BCDIN3D: variants seen among roughly 807,000 people sequenced by gnomAD.
The protein encoded by BCDIN3D is BCDIN3 domain containing RNA methyltransferase.
In BCDIN3D, 15 loss-of-function variants were observed where a neutral mutation model predicts 21.2. The ratio of observed to expected loss-of-function variants is 0.71; its 90% CI spans 0.47 to 1.09. The LOEUF (loss-of-function observed/expected upper bound fraction) is 1.09. Among genes scored for constraint, BCDIN3D ranks in the 50% least tolerant of loss-of-function variants. The probability of loss-of-function intolerance (pLI) is 0.00; values close to 1 mark genes in which losing one functional copy is unlikely to be tolerated. For synonymous variants in BCDIN3D, 127 were observed against 141.9 expected (o/e 0.90, Z 0.75); for missense variants, 331 against 366.2 (o/e 0.90, Z 0.79).
In BCDIN3D at chr12:49,837,449, G is replaced by A. The variant is rs1333204084; in HGVS notation, c.*922C>T. 6.6e-6 allele frequency: 1 copy of A among 151,452 alleles called. No homozygotes were observed. The highest frequency in any genetic ancestry group is 1.9e-4 in the East Asian group (1 of 5,186). The allele number at this position is 151,452 out of a possible 1,614,324, so 9.4% of individuals were successfully genotyped here. On this transcript the variant is annotated 3_prime_UTR_variant, in exon 2 of 2. Transcript: ENST00000333924. ...ACTACAGGCGCCCGCCACTACGCCC[G>A]GCTAATTTTTTGTATTTTTAGTAGA...
rs1946518941 is a variant in BCDIN3D at position 49,837,661 on chromosome 12, C to T, written c.*710G>A. On this transcript the variant is annotated 3_prime_UTR_variant, in exon 2 of 2. Transcript: ENST00000333924. Reference sequence around the variant, plus strand: ...ATACATAGAGAAGGACTGAATGGAACCGTAAGCACTCAAAGTATGGTCTAC... The same window carrying T: ...ATACATAGAGAAGGACTGAATGGAATCGTAAGCACTCAAAGTATGGTCTAC... 1 of 151,986 alleles carries T rather than the reference C, an allele frequency of 6.6e-6. No individual in the cohort carries two copies. Among genetic ancestry groups the T allele is most frequent in the Non-Finnish European group, 1.5e-5 (1 of 68,028 alleles). 9.4% of individuals were successfully genotyped at this position (151,986 alleles called of 1,614,324 possible).
In BCDIN3D at chr12:49,837,332, G is replaced by T. The variant is rs1174798464; in HGVS notation, c.*1039C>A. ...AGACGGAGTCTCGCTCTGTCGCCCA[G>T]GCTGGAGTGCAGTGGCGGGATCTCG... is the stretch of plus-strand genomic sequence containing the variant. On this transcript the variant is annotated 3_prime_UTR_variant, in exon 2 of 2. Transcript: ENST00000333924. 1 of 132,310 alleles carries T rather than the reference G, an allele frequency of 7.6e-6. No individual in the cohort carries two copies. Among genetic ancestry groups the T allele is most frequent in the Non-Finnish European group, 1.6e-5 (1 of 64,434 alleles). The allele number at this position is 132,310 out of a possible 1,614,324, so 8.2% of individuals were successfully genotyped here.
intron 1 of BCDIN3D, among the ~76,000 whole-genome samples, chr12:49,842,038 T>C (rs996828485): frequency 1.6e-4 from 24 of 152,240 alleles, no homozygotes; most frequent in Middle Eastern, 3.2e-3. Context: ...GGCAAAATGC[T>C]TTATTTGCTT....
chr12:49,839,769 C>A (rs1946539769), intron 1 of BCDIN3D: 1 of 152,070 alleles, frequency 6.6e-6, no homozygotes, highest in South Asian at 2.1e-4. Context: ...ATCTCAGCAA[C>A]CTCTGCCTCC....
intron 1 of BCDIN3D, chr12:49,840,060 T>C (rs1299067112): frequency 6.6e-6 from 1 of 152,212 alleles, no homozygotes; most frequent in Admixed American, 6.5e-5. Flanking sequence ...CATTTTTCTG[T>C]TTACTACTTT....
Position 49,838,974 on chromosome 12 carries a change from A to C in BCDIN3D, c.276T>G (p.Pro92=). The change falls in exon 2 of 2, where the codon CCT becomes CCG. Residue 92 remains proline (P), a synonymous_variant. Transcript: ENST00000333924. ...AGGCATCTGAGCAGGTTTCCCCGTC[A>C]GGTAGGGAGAGGAAGTGTTTGTATA... ...VALYKHFLSL[P]DGETCSDASR... is the part of the protein sequence containing the mutation. 6.2e-7 allele frequency: 1 copy of C among 1,614,050 alleles called. No homozygotes were observed.
chr12:49,837,869 G>C lies in BCDIN3D; in HGVS notation c.*502C>G, dbSNP rs1229068869. Reference sequence around the variant, plus strand: ...AACTGTACTTAAAAACGGTTAAAATGGTAAATTTTATGTATATATTACAAT... The same window carrying C: ...AACTGTACTTAAAAACGGTTAAAATCGTAAATTTTATGTATATATTACAAT... On this transcript the variant is annotated 3_prime_UTR_variant, in exon 2 of 2. Transcript: ENST00000333924. 1 of 152,068 alleles carries C rather than the reference G, an allele frequency of 6.6e-6. No homozygotes were observed. Among genetic ancestry groups the C allele is most frequent in the African/African-American group, 2.4e-5 (1 of 41,356 alleles). The allele number at this position is 152,068 out of a possible 1,614,324, so 9.4% of individuals were successfully genotyped here.
In BCDIN3D at chr12:49,838,576, G is replaced by A. The variant is rs745718371; in HGVS notation, c.674C>T (p.Ala225Val). Residue 225 changes from alanine to valine, a missense_variant, in exon 2 of 2, where the codon GCC (alanine) becomes GTC (valine). By Grantham distance (64) the Ala-to-Val change is moderately conservative. Transcript: ENST00000333924. ...CTGATTGGGCATGTCACCTCGGATG[G>A]CAAGGGAGTGGAAGTGGTCAAAATC... ...LHDFDHFHSL[A>V]IRGDMPNQIV... is the part of the protein sequence containing the mutation. The A allele has an allele frequency of 2.7e-5, 43 of 1,614,038 alleles. No homozygotes were observed. Among genetic ancestry groups the A allele is most frequent in the Non-Finnish European group, 3.1e-5 (36 of 1,180,024 alleles).
In BCDIN3D at chr12:49,837,285, G is replaced by GGTT. The variant is rs1946513254; in HGVS notation, c.*1085_*1086insAAC. 1 of 91,914 alleles carries GGTT rather than the reference G, an allele frequency of 1.1e-5. No homozygotes were observed. Among genetic ancestry groups the GGTT allele is most frequent in the African/African-American group, 4.3e-5 (1 of 23,368 alleles). The allele number at this position is 91,914 out of a possible 1,614,324, so 5.7% of individuals were successfully genotyped here. A position where few individuals can be genotyped will look rare whatever the true frequency, so the allele number is the denominator to read the frequency against. Reference sequence around the variant, plus strand: ...CATGTAGGTAGTTGTTTTTTTTTTTGTTTTTTTTTTTTTTTTTTTTGAGAC... The same window carrying GGTT: ...CATGTAGGTAGTTGTTTTTTTTTTTGGTTTTTTTTTTTTTTTTTTTTTTGAGAC... On this transcript the variant is annotated 3_prime_UTR_variant, in exon 2 of 2. Transcript: ENST00000333924.
At position 49,837,285 on chromosome 12, in the gene BCDIN3D, G is replaced by GTTTTTTTTTTTTTTT. The variant is rs1185335433; in HGVS notation, c.*1071_*1085dup. Reference sequence around the variant, plus strand: ...CATGTAGGTAGTTGTTTTTTTTTTTGTTTTTTTTTTTTTTTTTTTTGAGAC... The same window carrying GTTTTTTTTTTTTTTT: ...CATGTAGGTAGTTGTTTTTTTTTTTGTTTTTTTTTTTTTTTTTTTTTTTTTTTTTTTTTTTGAGAC... On this transcript the variant is annotated 3_prime_UTR_variant, in exon 2 of 2. Coordinates refer to ENST00000333924, the MANE Select transcript of BCDIN3D (RefSeq NM_181708.3). 1.6e-4 allele frequency: 15 copies of GTTTTTTTTTTTTTTT among 91,900 alleles called. No homozygotes were observed. Among genetic ancestry groups the GTTTTTTTTTTTTTTT allele is most frequent in the Non-Finnish European group, 2.5e-4 (12 of 47,688 alleles). 5.7% of individuals were successfully genotyped at this position (91,900 alleles called of 1,614,324 possible).
In BCDIN3D at chr12:49,838,385, A is replaced by G. The variant is rs774453856; in HGVS notation, c.865T>C (p.Phe289Leu). 6.2e-7 allele frequency: 1 copy of G among 1,603,648 alleles called. No homozygotes were observed. The highest frequency in any genetic ancestry group is 1.3e-5 in the African/African-American group (1 of 74,814). Residue 289 changes from phenylalanine to leucine, a missense_variant, in exon 2 of 2, where the codon TTC (phenylalanine) becomes CTC (leucine). By Grantham distance (22) the Phe-to-Leu change is conservative. Coordinates refer to ENST00000333924, the MANE Select transcript of BCDIN3D (RefSeq NM_181708.3). ...GCCCTCCCATCTCACTGCTTCTGGA[A>G]ACTTAATCTGTTCTTTTCTTTCCCT... ...EKGKEKNRLS[F>L]QKQ
In BCDIN3D at chr12:49,837,285, G is replaced by GTTTTTTTTTTTTTTTTT. The variant is rs1185335433; in HGVS notation, c.*1069_*1085dup. On this transcript the variant is annotated 3_prime_UTR_variant, in exon 2 of 2. Transcript: ENST00000333924. ...CATGTAGGTAGTTGTTTTTTTTTTTGTTTTTTTTTTTTTTTTTTTTGAGAC... is the reference window on the plus strand; with the variant it reads ...CATGTAGGTAGTTGTTTTTTTTTTTGTTTTTTTTTTTTTTTTTTTTTTTTTTTTTTTTTTTTTGAGAC... 7.6e-5 allele frequency: 7 copies of GTTTTTTTTTTTTTTTTT among 91,912 alleles called. No individual in the cohort carries two copies. The highest frequency in any genetic ancestry group is 8.5e-5 in the African/African-American group (2 of 23,392). The allele number at this position is 91,912 out of a possible 1,614,324, so 5.7% of individuals were successfully genotyped here.
chr12:49,839,997 A>G (rs935032681), intron 1 of BCDIN3D: 2 of 152,198 alleles, frequency 1.3e-5, no homozygotes, highest in African/African-American at 4.8e-5. Context: ...TTTGATTTCT[A>G]TAACCATTAT....
Position 49,838,867 on chromosome 12 carries a change from G to A in BCDIN3D, c.383C>T (p.Ala128Val). ...GAAGTCCAGGGTGATAAAAGTCAAGGCATCAGGAAAAGGACATTCTTTTTC... is the reference window on the plus strand; with the variant it reads ...GAAGTCCAGGGTGATAAAAGTCAAGACATCAGGAAAAGGACATTCTTTTTC... The part of the protein sequence containing the change: ...RAEKECPFPD[A>V]LTFITLDFMN... Residue 128 changes from alanine to valine, a missense_variant, in exon 2 of 2, where the codon GCC (alanine) becomes GTC (valine). Physicochemically the swap from Ala to Val is moderately conservative, Grantham distance 64. Transcript: ENST00000333924. 1 of 1,614,208 alleles carries A rather than the reference G, an allele frequency of 6.2e-7. No homozygotes were observed. The highest frequency in any genetic ancestry group is 1.1e-5 in the South Asian group (1 of 91,084).
In BCDIN3D at chr12:49,838,480, C is replaced by A; in HGVS notation, c.770G>T (p.Arg257Ile). Reference protein sequence around the residue: ...ICCFGNTSWDRSLLLFRAKQT... With the variant: ...ICCFGNTSWDISLLLFRAKQT... The stretch of plus-strand genomic sequence containing the variant: ...TTTTGCCCTGAAGAGCAGAAGGCTT[C>A]TGTCCCAACTGGTGTTGCCAAAGCA... Residue 257 changes from arginine to isoleucine, a missense_variant, in exon 2 of 2, where the codon AGA (arginine) becomes ATA (isoleucine). By Grantham distance (97) the Arg-to-Ile change is moderately conservative (BLOSUM62 -3). Transcript: ENST00000333924. 1.2e-6 allele frequency: 2 copies of A among 1,614,166 alleles called. No individual in the cohort carries two copies. The highest frequency in any genetic ancestry group is 1.1e-5 in the South Asian group (1 of 91,090).
chr12:49,838,357 C>T lies in BCDIN3D; in HGVS notation c.*14G>A. ...CCCTTTCAATATCTTTCTTGGTCTT[C>T]TTGCCCTCCCATCTCACTGCTTCTG... is the stretch of plus-strand genomic sequence containing the variant. On this transcript the variant is annotated 3_prime_UTR_variant, in exon 2 of 2. Transcript: ENST00000333924. 1 of 1,592,896 alleles carries T rather than the reference C, an allele frequency of 6.3e-7. No homozygotes were observed. Among genetic ancestry groups the T allele is most frequent in the South Asian group, 1.1e-5 (1 of 89,910 alleles).
intron 1 of BCDIN3D, 87 bp downstream of exon 1, chr12:49,842,767 G>C (rs771600159): frequency 1.8e-5 from 21 of 1,190,638 alleles, no homozygotes; most frequent in Non-Finnish European, 2.4e-5. Flanking sequence ...AGTTTCGATG[G>C]GTGTTAGCCC....
In BCDIN3D at chr12:49,838,244, G is replaced by T; in HGVS notation, c.*127C>A. 1 of 907,770 alleles carries T rather than the reference G, an allele frequency of 1.1e-6. No individual in the cohort carries two copies. Among genetic ancestry groups the T allele is most frequent in the Non-Finnish European group, 1.7e-6 (1 of 598,032 alleles). 56.2% of individuals were successfully genotyped at this position (907,770 alleles called of 1,614,324 possible). A position where few individuals can be genotyped will look rare whatever the true frequency, so the allele number is the denominator to read the frequency against. On this transcript the variant is annotated 3_prime_UTR_variant, in exon 2 of 2. Coordinates refer to ENST00000333924, the MANE Select transcript of BCDIN3D (RefSeq NM_181708.3). The stretch of plus-strand genomic sequence containing the variant: ...ACTGATTCTTTCAATTATGTGCCTT[G>T]GACATTTTACCAAAAGCTCCTGCCA...
In BCDIN3D at chr12:49,836,914, C is replaced by A. The variant is rs1013644607; in HGVS notation, c.*1457G>T. 6.6e-6 allele frequency: 1 copy of A among 152,172 alleles called. No individual in the cohort carries two copies. The highest frequency in any genetic ancestry group is 2.4e-5 in the African/African-American group (1 of 41,438). 9.4% of individuals were successfully genotyped at this position (152,172 alleles called of 1,614,324 possible). A position where few individuals can be genotyped will look rare whatever the true frequency, so the allele number is the denominator to read the frequency against. Reference sequence around the variant, plus strand: ...AGATGAGTAAACTGTGGCTGTAAGGCAGACAATGGATGGAAGGTAGATGAC... The same window carrying A: ...AGATGAGTAAACTGTGGCTGTAAGGAAGACAATGGATGGAAGGTAGATGAC... On this transcript the variant is annotated 3_prime_UTR_variant, in exon 2 of 2. Coordinates refer to ENST00000333924, the MANE Select transcript of BCDIN3D (RefSeq NM_181708.3).
Sources: allele counts gnomAD v4.1 joint callset (sites outside exome capture counted in the v4.1 genomes callset), GRCh38; gene constraint gnomAD v4.1.1; transcripts MANE v1.5; gene names NCBI Gene and HGNC (gene_info 2026-07-23, HGNC 2026-07-21).